The following ERICH6 variants were observed in gnomAD, a reference collection of about 807,000 sequenced individuals.
ERICH6 encodes the protein glutamate-rich protein 6.
A neutral mutation model predicts 71.0 loss-of-function variants in ERICH6; 71 were observed. That is an observed-to-expected ratio of 1.00 (90% confidence interval 0.83 to 1.22). The LOEUF (loss-of-function observed/expected upper bound fraction) is 1.22, where lower values mean the gene tolerates loss of function less well. Ranked by LOEUF, ERICH6 falls within the 50% of genes most tolerant of loss-of-function variation. The pLI is 0.00. For synonymous variants in ERICH6, 262 were observed against 278.4 expected, an observed-to-expected ratio of 0.94 and a Z score of 0.59; for missense variants, 808 against 797.2, an observed-to-expected ratio of 1.01 and a Z score of -0.16.
At chr3:150,685,171 T>C (rs752379461) in intron 6 of ERICH6, among the ~76,000 whole-genome samples, 4 of 152,154 alleles carry the variant, frequency 2.6e-5, no homozygotes, top group Non-Finnish European at 5.9e-5. Context: ...ACAGGTTGAA[T>C]TGTGTCTCCC....
chr3:150,689,024 G>A (rs1712311813), intron 3 of ERICH6, among the ~76,000 whole-genome samples: 1 of 152,016 alleles, frequency 6.6e-6, no homozygotes, highest in Admixed American at 6.5e-5. Flanking sequence ...TCTGAGTGGA[G>A]GTACCCCTGA....
rs10663390 is a variant in ERICH6 at position 150,702,889 on chromosome 3, A to AGTGTGTGT, written c.403+599_403+606dup. ...AAGGCACTTCTCTGGAAATAATATG[A>AGTGTGTGT]GTGTGTGTGTGTGTGTGTGTGTGTG... On this transcript the variant is annotated intron_variant, in intron 1 of 13. Coordinates refer to ENST00000295910, the MANE Select transcript of ERICH6 (RefSeq NM_152394.5). Among the ~76,000 whole-genome samples the AGTGTGTGT allele has an allele frequency of 8.6e-3, 981 of 113,432 alleles. 10 individuals carry two copies. The highest frequency in any genetic ancestry group is 0.016 in the African/African-American group (451 of 29,060). 74.4% of individuals were successfully genotyped at this position (113,432 alleles called of 152,430 possible).
At chr3:150,694,193 T>G (rs956627871) in intron 3 of ERICH6, among the ~76,000 whole-genome samples, 3 of 152,132 alleles carry the variant, frequency 2.0e-5, no homozygotes, top group Non-Finnish European at 4.4e-5. Context: ...AGAAACAACC[T>G]GAGACCAGAC....
chr3:150,674,098 A>G (rs1711562491), intron 10 of ERICH6, 57 bp from the exon 11 acceptor site: 2 of 1,427,970 alleles, frequency 1.4e-6, no homozygotes, highest in Non-Finnish European at 2.0e-6. Context: ...AGTAGTAAGT[A>G]CGACAACAAT....
Position 150,697,310 on chromosome 3 carries a change from G to A in ERICH6, c.553+1481C>T, listed in dbSNP as rs150932029. 6.6e-5 allele frequency among the ~76,000 whole-genome samples: 10 copies of A among 152,260 alleles called. No individual in the cohort carries two copies. The East Asian group carries it at 1.9e-3, about 29-fold the overall frequency. On this transcript the variant is annotated intron_variant, in intron 3 of 13. Transcript: ENST00000295910. ...AGGGTAATAGTCAAAAGAAACTATTGTTTGATTTGTATCTTTTGACCTTAA... is the reference window on the plus strand; with the variant it reads ...AGGGTAATAGTCAAAAGAAACTATTATTTGATTTGTATCTTTTGACCTTAA...
intron 13 of ERICH6, among the ~76,000 whole-genome samples, chr3:150,665,684 G>A (rs954419586): frequency 6.6e-6 from 1 of 150,940 alleles, no homozygotes. Flanking sequence ...AAAATTAGCC[G>A]GGCATGGTGG....
At chr3:150,681,845 C>T (rs1711961117) in intron 7 of ERICH6, among the ~76,000 whole-genome samples, 2 of 114,556 alleles carry the variant, frequency 1.7e-5, no homozygotes, top group South Asian at 3.0e-4. Flanking sequence ...GACAGAGTCT[C>T]ACTCTGTTGC....
intron 3 of ERICH6, among the ~76,000 whole-genome samples, chr3:150,696,155 A>G (rs1352905514): frequency 6.6e-6 from 1 of 152,078 alleles, no homozygotes; most frequent in Non-Finnish European, 1.5e-5. Context: ...TATATACACA[A>G]TATATATTTG....
intron 10 of ERICH6, among the ~76,000 whole-genome samples, chr3:150,677,125 T>C (rs1359119499): frequency 6.6e-6 from 1 of 152,142 alleles, no homozygotes; most frequent in Non-Finnish European, 1.5e-5. Flanking sequence ...AACATTTTTT[T>C]AGAGATGGGA....
chr3:150,686,223 G>T, intron 4 of ERICH6, 75 bp downstream of exon 4: 1 of 1,521,542 alleles, frequency 6.6e-7, no homozygotes, highest in Non-Finnish European at 9.1e-7. Flanking sequence ...GATGGGCTCT[G>T]TGCGAGTTAA....
At chr3:150,681,480 C>G (rs1219798489) in intron 7 of ERICH6, among the ~76,000 whole-genome samples, 1 of 152,152 alleles carries the variant, frequency 6.6e-6, no homozygotes, top group Non-Finnish European at 1.5e-5. Context: ...TATATTTTGG[C>G]TATTACGAAT....
intron 2 of ERICH6, among the ~76,000 whole-genome samples, chr3:150,701,042 C>T (rs1712851118): frequency 6.6e-6 from 1 of 152,010 alleles, no homozygotes; most frequent in Non-Finnish European, 1.5e-5. Context: ...TTATAATTAA[C>T]AAACCATAAT....
At chr3:150,693,986 A>G (rs1328115122) in intron 3 of ERICH6, among the ~76,000 whole-genome samples, 2 of 152,232 alleles carry the variant, frequency 1.3e-5, no homozygotes, top group Admixed American at 1.3e-4. Context: ...GAAGAAAATA[A>G]CAACAACCTA....
chr3:150,678,647 G>A, intron 9 of ERICH6, 93 bp from the exon 10 acceptor site: 3 of 967,866 alleles, frequency 3.1e-6, no homozygotes, highest in Non-Finnish European at 4.4e-6. Flanking sequence ...CAATATAAAT[G>A]CACTGATTCA....
At chr3:150,702,434 G>A (rs1159492626) in intron 1 of ERICH6, among the ~76,000 whole-genome samples, 6 of 152,028 alleles carry the variant, frequency 3.9e-5, no homozygotes, top group African/African-American at 1.4e-4. Flanking sequence ...ACGCCGCCAC[G>A]CCCGGCTAAT....
At chr3:150,687,295 G>A (rs1712236356) in intron 3 of ERICH6, among the ~76,000 whole-genome samples, 1 of 152,174 alleles carries the variant, frequency 6.6e-6, no homozygotes, top group Admixed American at 6.5e-5. Context: ...CACTCAATCA[G>A]AATATCATGC....
intron 10 of ERICH6, among the ~76,000 whole-genome samples, chr3:150,675,707 G>GTTTTT (rs200846169): frequency 2.1e-5 from 3 of 144,860 alleles, no homozygotes; most frequent in Non-Finnish European, 3.0e-5. Context: ...ATTGGCCATT[G>GTTTTT]TTTTTTTTTT....
At chr3:150,665,453 G>A (rs895892800) in intron 13 of ERICH6, among the ~76,000 whole-genome samples, 1 of 143,400 alleles carries the variant, frequency 7.0e-6, no homozygotes, top group Non-Finnish European at 1.5e-5. Context: ...GGAGGCGGAG[G>A]TTGCAGTGAG....
At chr3:150,695,261 T>C (rs1179158175) in intron 3 of ERICH6, among the ~76,000 whole-genome samples, 1 of 152,146 alleles carries the variant, frequency 6.6e-6, no homozygotes, top group East Asian at 1.9e-4. Flanking sequence ...CTATGATGAA[T>C]AAGGAAGTAC....
Sources: allele counts gnomAD v4.1 joint callset (sites outside exome capture counted in the v4.1 genomes callset), GRCh38; gene constraint gnomAD v4.1.1; transcripts MANE v1.5; gene names NCBI Gene and HGNC (gene_info 2026-07-23, HGNC 2026-07-21).